Variants in CFAP69 observed in about 807,000 individuals in gnomAD.
CFAP69 encodes the protein cilia- and flagella-associated protein 69.
Under a neutral mutation model 123.0 loss-of-function variants are expected in CFAP69, and 92 were observed. The ratio of observed to expected loss-of-function variants is 0.75; its 90% CI spans 0.63 to 0.89. The LOEUF (loss-of-function observed/expected upper bound fraction) is 0.89, where lower values mean the gene tolerates loss of function less well. Ranked by LOEUF, CFAP69 falls within the 40% of genes least tolerant of loss-of-function variation. CFAP69 has a pLI of 0.00. For missense variants in CFAP69, 1,067 were observed against 1,096.9 expected (o/e 0.97, Z 0.39); for synonymous variants, 380 against 364.3 (o/e 1.04, Z -0.49).
At chr7:90,318,933 G>A in the CFAP69 span, 2 of 153,096 alleles carry the variant, frequency 1.3e-5, no homozygotes, top group Non-Finnish European at 2.9e-5. Context: ...AGAAGAAATT[G>A]TTAATATTCA....
chr7:90,280,025 T>A, intron 12 of CFAP69, 132 bp downstream of exon 12: 1 of 625,068 alleles, frequency 1.6e-6, no homozygotes, highest in East Asian at 3.2e-5. Context: ...CCTATCTTCT[T>A]AATGTATTTA....
chr7:90,261,072 T>C (rs1322275568), intron 3 of CFAP69, among the ~76,000 whole-genome samples: 1 of 148,926 alleles, frequency 6.7e-6, no homozygotes, highest in African/African-American at 2.5e-5. Flanking sequence ...TGTGTTTATG[T>C]GCCAATAGGA....
chr7:90,269,828 T>C (rs577575572), intron 6 of CFAP69, among the ~76,000 whole-genome samples: 1 of 152,228 alleles, frequency 6.6e-6, no homozygotes, highest in African/African-American at 2.4e-5. Context: ...TGGGTTTTGT[T>C]GTTTTTAGGA....
At chr7:90,322,067 A>G in the CFAP69 span, among the ~76,000 whole-genome samples, 1 of 152,010 alleles carries the variant, frequency 6.6e-6, no homozygotes, top group Non-Finnish European at 1.5e-5. Flanking sequence ...GTGCCAAACC[A>G]AACAGCCCAG....
At position 90,265,341 on chromosome 7, in the gene CFAP69, T is replaced by C; in HGVS notation, c.397T>C (p.Tyr133His). The change falls in exon 5 of 23, where the codon TAT becomes CAT. Residue 133 changes from tyrosine to histidine, a missense_variant. By Grantham distance (83) the Tyr-to-His change is moderately conservative. Coordinates refer to ENST00000389297, the MANE Select transcript of CFAP69 (RefSeq NM_001039706.3). ...LKKKVSDEIT[Y>H]AEDTANSIAL... ...AAAGAAAGTGTCGGATGAAATAACT[T>C]ATGCTGAAGATACTGCTAATTCAAT... 6.2e-7 allele frequency: 1 copy of C among 1,612,038 alleles called. No individual in the cohort carries two copies. Among genetic ancestry groups the C allele is most frequent in the Non-Finnish European group, 8.5e-7 (1 of 1,178,740 alleles).
In CFAP69 at chr7:90,309,336, A is replaced by T; in HGVS notation, c.2624A>T (p.His875Leu). The change falls in exon 22 of 23, where the codon CAC becomes CTC. Residue 875 changes from histidine (H) to leucine (L), a missense_variant. His to Leu is a moderately conservative substitution (Grantham distance 99, BLOSUM62 -3). Transcript: ENST00000389297. ...YHKRPQNAIF[H>L]QTHIKGLNTT... ...AAACGACCACAAAATGCAATATTTC[A>T]CCAAACACATATTAAAGGCCTTAAC... 6.3e-7 allele frequency: 1 copy of T among 1,589,906 alleles called. No individual in the cohort carries two copies. Among genetic ancestry groups the T allele is most frequent in the Non-Finnish European group, 8.6e-7 (1 of 1,167,460 alleles).
intron 1 of CFAP69, among the ~76,000 whole-genome samples, chr7:90,250,924 C>G (rs1796936511): frequency 6.6e-6 from 1 of 152,066 alleles, no homozygotes; most frequent in African/African-American, 2.4e-5. Flanking sequence ...CCCACTGCGT[C>G]CAGTAACTCA....
chr7:90,309,156 C>T, intron 21 of CFAP69, 107 bp from the exon 22 acceptor site: 1 of 534,016 alleles, frequency 1.9e-6, no homozygotes, highest in Non-Finnish European at 3.2e-6. Context: ...ATCTAATAAA[C>T]AACCAAAGCA....
At chr7:90,252,080 T>C (rs1268780436) in intron 1 of CFAP69, 1 of 150,968 alleles carries the variant, frequency 6.6e-6, no homozygotes, top group Non-Finnish European at 1.5e-5. Flanking sequence ...TCTAAACAAA[T>C]ATTTCAGAAA....
At chr7:90,269,478 G>T (rs1214236287) in intron 6 of CFAP69, among the ~76,000 whole-genome samples, 1 of 152,184 alleles carries the variant, frequency 6.6e-6, no homozygotes, top group Non-Finnish European at 1.5e-5. Flanking sequence ...CCTAAAGACT[G>T]CCATGTCTTG....
downstream of CFAP69, among the ~76,000 whole-genome samples, chr7:90,312,226 A>C (rs1209414791): frequency 5.9e-5 from 9 of 152,240 alleles, no homozygotes; most frequent in African/African-American, 9.6e-5. Flanking sequence ...CAGCCAACAA[A>C]ATACTACACA....
intron 22 of CFAP69, among the ~76,000 whole-genome samples, 156 bp from the exon 23 acceptor site, chr7:90,309,912 G>T (rs1273327198): frequency 6.6e-6 from 1 of 152,126 alleles, no homozygotes; most frequent in African/African-American, 2.4e-5. Context: ...ACTTTTCCTG[G>T]CTCCGATGCC....
intron 21 of CFAP69, among the ~76,000 whole-genome samples, chr7:90,308,880 C>G (rs1361918391): frequency 6.6e-6 from 1 of 152,138 alleles, no homozygotes; most frequent in Non-Finnish European, 1.5e-5. Flanking sequence ...TTTAAGTGTA[C>G]TTAATCAGTT....
chr7:90,274,179 A>T, intron 9 of CFAP69, 69 bp downstream of exon 9: 1 of 1,534,338 alleles, frequency 6.5e-7, no homozygotes, highest in Non-Finnish European at 8.8e-7. Context: ...GAAGTCCTAT[A>T]TTATGTTGGA....
intron 2 of CFAP69, among the ~76,000 whole-genome samples, chr7:90,255,923 ATTAAG>A (rs1160500457): frequency 6.6e-6 from 1 of 152,200 alleles, no homozygotes; most frequent in African/African-American, 2.4e-5. Context: ...TGTAATGGAA[ATTAAG>A]TTATTTTAGA....
At position 90,277,064 on chromosome 7, in the gene CFAP69, T is replaced by G. The variant is rs780046716; in HGVS notation, c.985-9T>G. The G allele has an allele frequency of 6.5e-7, 1 of 1,541,526 alleles. No individual in the cohort carries two copies. The highest frequency in any genetic ancestry group is 8.8e-7 in the Non-Finnish European group (1 of 1,139,884). ...TCATCTTTCTGCTTATTTTATGTAT[T>G]TATATTAGGAATGTGGCTTTACCAA... On this transcript the variant is annotated splice_polypyrimidine_tract_variant and intron_variant, in intron 9 of 22. Transcript: ENST00000389297.
At chr7:90,259,474 TTG>T (rs1798044467) in intron 3 of CFAP69, among the ~76,000 whole-genome samples, 4 of 48,054 alleles carry the variant, frequency 8.3e-5, no homozygotes, top group Admixed American at 2.9e-4. Context: ...TTTGGGGTGT[TTG>T]TTTGTTTGTT....
chr7:90,304,643 G>C, intron 18 of CFAP69, 101 bp from the exon 19 acceptor site: 2 of 1,279,540 alleles, frequency 1.6e-6, no homozygotes, highest in South Asian at 2.9e-5. Context: ...TTTTAGATAG[G>C]TAGATAGATA....
At chr7:90,306,150 C>A (rs1390705819) in intron 19 of CFAP69, among the ~76,000 whole-genome samples, 1 of 151,812 alleles carries the variant, frequency 6.6e-6, no homozygotes, top group Admixed American at 6.6e-5. Flanking sequence ...CAAGGTCTCA[C>A]TGTGTTGCTC....
Sources: gnomAD v4.1 joint callset for allele counts (sites outside exome capture counted in the v4.1 genomes callset) on GRCh38, gnomAD v4.1.1 for gene constraint, MANE v1.5 for transcripts, NCBI Gene and HGNC (gene_info 2026-07-23, HGNC 2026-07-21) for gene names.